Variants in NKAIN2 observed in about 807,000 individuals in gnomAD.
NKAIN2 encodes the protein sodium/potassium-transporting ATPase subunit beta-1-interacting protein 2.
NKAIN2 carries 14 observed loss-of-function variants against 32.6 expected under a neutral mutation model. That is an observed-to-expected ratio of 0.43 (90% confidence interval 0.28 to 0.67). The LOEUF (loss-of-function observed/expected upper bound fraction) is 0.67. Among genes scored for constraint, NKAIN2 ranks in the 30% least tolerant of loss-of-function variants. The pLI, the probability that NKAIN2 is intolerant of heterozygous loss-of-function variation, is 0.17. For synonymous variants in NKAIN2, 80 were observed against 87.2 expected, an observed-to-expected ratio of 0.92 and a Z score of 0.46; for missense variants, 198 against 258.3, an observed-to-expected ratio of 0.77 and a Z score of 1.60.
chr6:123,984,802 G>A (rs769237109), intron 1 of NKAIN2, among the ~76,000 whole-genome samples: 13 of 152,040 alleles, frequency 8.6e-5, no homozygotes, highest in Non-Finnish European at 1.8e-4. Flanking sequence ...ATTATCAAAT[G>A]ATACATAGCA....
At chr6:124,086,946 C>T (rs1253924629) in intron 1 of NKAIN2, among the ~76,000 whole-genome samples, 1 of 151,672 alleles carries the variant, frequency 6.6e-6, no homozygotes, top group Admixed American at 6.6e-5. Context: ...TATCTTAAAA[C>T]CAAAACCAGA....
chr6:123,978,558 G>A (rs998910259), intron 1 of NKAIN2, among the ~76,000 whole-genome samples: 2 of 152,076 alleles, frequency 1.3e-5, no homozygotes, highest in Non-Finnish European at 2.9e-5. Flanking sequence ...ACTCTTTCTC[G>A]TAGTCTCCTA....
intron 3 of NKAIN2, among the ~76,000 whole-genome samples, chr6:124,490,973 T>A (rs1014482808): frequency 6.6e-6 from 1 of 151,944 alleles, no homozygotes; most frequent in Non-Finnish European, 1.5e-5. Flanking sequence ...AACATTATTT[T>A]CTGTTGTTTT....
intron 1 of NKAIN2, among the ~76,000 whole-genome samples, chr6:124,282,411 G>A (rs960702858): frequency 3.3e-5 from 5 of 152,142 alleles, no homozygotes; most frequent in African/African-American, 1.2e-4. Context: ...ATTAGAACTA[G>A]AAGGACCCTA....
At chr6:124,167,768 T>G (rs1347402595) in intron 1 of NKAIN2, among the ~76,000 whole-genome samples, 2 of 152,208 alleles carry the variant, frequency 1.3e-5, no homozygotes, top group Non-Finnish European at 1.5e-5. Context: ...CTGCATCTAT[T>G]GAGATAATCA....
At chr6:124,226,116 G>A (rs957778056) in intron 1 of NKAIN2, among the ~76,000 whole-genome samples, 1 of 151,872 alleles carries the variant, frequency 6.6e-6, no homozygotes, top group African/African-American at 2.4e-5. Flanking sequence ...GATGTAGAAT[G>A]TTTTACTACA....
chr6:123,918,562 T>G (rs1775603420), intron 1 of NKAIN2, among the ~76,000 whole-genome samples: 1 of 152,158 alleles, frequency 6.6e-6, no homozygotes, highest in Non-Finnish European at 1.5e-5. Flanking sequence ...AAAAAGCTAG[T>G]CCATGGCACC....
intron 1 of NKAIN2, among the ~76,000 whole-genome samples, chr6:124,219,897 C>CA (rs1341012175): frequency 6.6e-6 from 1 of 151,950 alleles, no homozygotes. Context: ...AAATAAACAA[C>CA]AAATTTAGAT....
chr6:124,362,100 T>A (rs1290474320), intron 3 of NKAIN2, among the ~76,000 whole-genome samples: 3 of 152,132 alleles, frequency 2.0e-5, no homozygotes, highest in Non-Finnish European at 4.4e-5. Context: ...AAACAAAGAC[T>A]ACCTATAATA....
intron 1 of NKAIN2, among the ~76,000 whole-genome samples, chr6:124,115,450 A>G (rs368672051): frequency 6.6e-4 from 101 of 152,252 alleles, no homozygotes; most frequent in African/African-American, 2.3e-3. Context: ...GCCTTATCAC[A>G]TGACTATAGT....
At chr6:124,708,433 A>G (rs1435049086) in intron 4 of NKAIN2, among the ~76,000 whole-genome samples, 1 of 151,990 alleles carries the variant, frequency 6.6e-6, no homozygotes, top group Non-Finnish European at 1.5e-5. Flanking sequence ...TACCTTGGGC[A>G]GTATGGCCAT....
At chr6:124,393,290 C>T (rs1282972248) in intron 3 of NKAIN2, among the ~76,000 whole-genome samples, 3 of 151,580 alleles carry the variant, frequency 2.0e-5, no homozygotes, top group Non-Finnish European at 4.4e-5. Context: ...TGGCCCAATA[C>T]GTAAGATGCA....
chr6:124,228,275 T>C (rs1792227831), intron 1 of NKAIN2, among the ~76,000 whole-genome samples: 1 of 152,126 alleles, frequency 6.6e-6, no homozygotes, highest in Non-Finnish European at 1.5e-5. Context: ...AGTGCTCTTA[T>C]AGGAAGAGAC....
chr6:124,087,678 A>C (rs1784245298), intron 1 of NKAIN2, among the ~76,000 whole-genome samples: 1 of 152,014 alleles, frequency 6.6e-6, no homozygotes, highest in African/African-American at 2.4e-5. Flanking sequence ...CTGCCTTAAA[A>C]ATAGTCTATT....
intron 1 of NKAIN2, among the ~76,000 whole-genome samples, chr6:123,975,022 G>C (rs181541693): frequency 2.3e-4 from 35 of 152,032 alleles, no homozygotes; most frequent in African/African-American, 8.0e-4. Flanking sequence ...TCATTTTAGC[G>C]TATGTTTGGT....
intron 1 of NKAIN2, chr6:124,121,988 T>C (rs1310543960): frequency 1.6e-6 from 1 of 618,210 alleles, no homozygotes; most frequent in South Asian, 1.9e-5. Flanking sequence ...TACAGGGTAA[T>C]ATATATTTGA....
chr6:124,223,801 A>G (rs1334727102), intron 1 of NKAIN2, among the ~76,000 whole-genome samples: 1 of 152,180 alleles, frequency 6.6e-6, no homozygotes, highest in East Asian at 1.9e-4. Flanking sequence ...CCAGTGAGTC[A>G]TCTGCCTACT....
intron 2 of NKAIN2, among the ~76,000 whole-genome samples, chr6:124,352,182 T>G (rs1224342418): frequency 1.3e-5 from 2 of 152,218 alleles, no homozygotes; most frequent in Non-Finnish European, 2.9e-5. Context: ...GTTCTCATTC[T>G]CTATATGCTA....
At chr6:124,371,711 AAG>A (rs1554196660) in intron 3 of NKAIN2, among the ~76,000 whole-genome samples, 17 of 149,824 alleles carry the variant, frequency 1.1e-4, no homozygotes, top group African/African-American at 3.4e-4. Context: ...AAAAAAAAAA[AAG>A]AAAGAAAGGA....
Sources: gnomAD v4.1 joint callset for allele counts (sites outside exome capture counted in the v4.1 genomes callset) on GRCh38, gnomAD v4.1.1 for gene constraint, MANE v1.5 for transcripts, NCBI Gene and HGNC (gene_info 2026-07-23, HGNC 2026-07-21) for gene names.